The following CCDC88A variants were observed in gnomAD, a reference collection of about 807,000 sequenced individuals.
CCDC88A encodes the protein girdin.
In CCDC88A, 54 loss-of-function variants were observed where a neutral mutation model predicts 234.3. The observed-to-expected ratio is 0.23, with a 90% CI of 0.19 to 0.29. The LOEUF is 0.29. Ranked by LOEUF, CCDC88A falls within the 10% of genes least tolerant of loss-of-function variation. The pLI is 1.00. For synonymous variants in CCDC88A, 753 were observed against 737.8 expected (o/e 1.02, Z -0.33); for missense variants, 1,832 against 2,123.4 (o/e 0.86, Z 2.70).
chr2:55,406,130 T>C (rs1367454967), intron 2 of CCDC88A: 2 of 143,314 alleles, frequency 1.4e-5, no homozygotes, highest in African/African-American at 2.6e-5. Flanking sequence ...TGCACTCCAG[T>C]AGCCTGGGCA....
Position 55,328,543 on chromosome 2 carries a change from A to AT in CCDC88A, c.2856-109dup. The stretch of plus-strand genomic sequence containing the variant: ...TGCCATAAATGGGTCTTATAAAAGC[A>AT]TTTTTGTTAAAGAGGCAAATGAAAT... On this transcript the variant is annotated intron_variant, in intron 16 of 32. Transcript: ENST00000436346. This position sits in a 1 kb window ranked among gnomAD's most constrained non-coding sequence, Gnocchi z 4.3. The AT allele has an allele frequency of 2.8e-6, 2 of 715,758 alleles. No homozygotes were observed. Among genetic ancestry groups the AT allele is most frequent in the Non-Finnish European group, 4.2e-6 (2 of 473,044 alleles). 44.3% of individuals were successfully genotyped at this position (715,758 alleles called of 1,614,324 possible).
At chr2:55,372,205 C>G (rs1672946692) in intron 5 of CCDC88A, among the ~76,000 whole-genome samples, 1 of 151,902 alleles carries the variant, frequency 6.6e-6, no homozygotes, top group South Asian at 2.1e-4. Context: ...TTATAAGCCT[C>G]AGAATAAGGA....
intron 2 of CCDC88A, among the ~76,000 whole-genome samples, chr2:55,399,366 A>G (rs982467869): frequency 1.3e-5 from 2 of 151,984 alleles, no homozygotes; most frequent in African/African-American, 4.8e-5. Context: ...CTCTACTAAA[A>G]ATTAAAAAAA....
chr2:55,407,615 TAAATAAAATA>T lies in CCDC88A; in HGVS notation c.164+11191_164+11200del, dbSNP rs552378399. On this transcript the variant is annotated intron_variant, in intron 2 of 32. Transcript: ENST00000436346. ...GCAAGACTCTGTCTCAAACAATAAGTAAATAAAATAAAATAAAATAAAATGTTATAAACAA... is the reference window on the plus strand; with the variant it reads ...GCAAGACTCTGTCTCAAACAATAAGTAAATAAAATAAAATGTTATAAACAA... 2.5e-4 allele frequency among the ~76,000 whole-genome samples: 38 copies of T among 151,670 alleles called. No homozygotes were observed. The East Asian group carries it at 6.0e-3, about 24-fold the overall frequency.
chr2:55,343,551 G>C (rs1164461650), intron 12 of CCDC88A, 97 bp downstream of exon 12: 3 of 887,422 alleles, frequency 3.4e-6, no homozygotes, highest in Non-Finnish European at 5.1e-6. Flanking sequence ...GTAGTCTTCT[G>C]AGATATCTCC....
intron 2 of CCDC88A, among the ~76,000 whole-genome samples, chr2:55,409,933 G>T (rs1017582742): frequency 6.6e-6 from 1 of 151,730 alleles, no homozygotes; most frequent in Non-Finnish European, 1.5e-5. Flanking sequence ...TAGAGACGGG[G>T]TTTCACCATA....
At chr2:55,336,520 T>C (rs2589069) in intron 14 of CCDC88A, among the ~76,000 whole-genome samples, 161 bp downstream of exon 14, 12,015 of 152,194 alleles carry the variant, frequency 0.079, 720 homozygotes, top group East Asian at 0.31. Flanking sequence ...CTAAGACACA[T>C]AGGTTAGAAA....
At chr2:55,374,905 T>G in intron 3 of CCDC88A, 22 bp from the exon 4 acceptor site, 7 of 1,464,868 alleles carry the variant, frequency 4.8e-6, no homozygotes, top group Non-Finnish European at 6.7e-6. Flanking sequence ...TATCCAACAC[T>G]TGTTATATGG....
intron 5 of CCDC88A, among the ~76,000 whole-genome samples, chr2:55,365,100 A>T (rs551241369): frequency 5.3e-5 from 8 of 152,288 alleles, no homozygotes; most frequent in African/African-American, 1.9e-4. Context: ...ATCAATGCAG[A>T]AAGTTCTATA....
In CCDC88A at chr2:55,332,797, T is replaced by C. The variant is rs1407657807; in HGVS notation, c.2728-104A>G. 7.3e-6 allele frequency: 7 copies of C among 956,654 alleles called. No homozygotes were observed. Among genetic ancestry groups the C allele is most frequent in the Non-Finnish European group, 1.1e-5 (7 of 631,872 alleles). 59.3% of individuals were successfully genotyped at this position (956,654 alleles called of 1,614,324 possible). On this transcript the variant is annotated intron_variant, in intron 15 of 32. Transcript: ENST00000436346. This position sits in a 1 kb window ranked among gnomAD's most constrained non-coding sequence, Gnocchi z 4.5. ...ACCACCATCTAGGAATACATGTAAT[T>C]TGAACCAGGAAATGTCATTAAACCA...
At chr2:55,341,450 T>C (rs2920963) in intron 12 of CCDC88A, among the ~76,000 whole-genome samples, 11,796 of 140,628 alleles carry the variant, frequency 0.084, 686 homozygotes, top group East Asian at 0.31. Flanking sequence ...CCCCGCCCCC[T>C]TTTTTTTTTT....
Position 55,328,324 on chromosome 2 carries a change from A to G in CCDC88A, c.2967T>C (p.Tyr989=), listed in dbSNP as rs1684508034. 2 of 1,598,366 alleles carry G rather than the reference A, an allele frequency of 1.3e-6. No homozygotes were observed. The highest frequency in any genetic ancestry group is 1.2e-5 in the South Asian group (1 of 86,686). Residue 989 remains tyrosine, a synonymous_variant, in exon 17 of 33, where the codon TAT becomes TAC. Coordinates refer to ENST00000436346, the MANE Select transcript of CCDC88A (RefSeq NM_001365480.1). The surrounding 1 kb of genome is among the most constrained non-coding windows in gnomAD (Gnocchi z 4.3). ...TAAGTTCTTGGCGCAATTGCTGGTTATAATTCGTGGATTCTTCTAATCGAG... is the reference window on the plus strand; with the variant it reads ...TAAGTTCTTGGCGCAATTGCTGGTTGTAATTCGTGGATTCTTCTAATCGAG... ...LEARLEESTN[Y]NQQLRQELKT...
chr2:55,343,865 C>A, intron 11 of CCDC88A, 73 bp from the exon 12 acceptor site: 2 of 1,227,162 alleles, frequency 1.6e-6, no homozygotes. Context: ...TACTTTATTT[C>A]TCACAACTTT....
At chr2:55,320,248 T>C (rs190713809) in intron 18 of CCDC88A, among the ~76,000 whole-genome samples, 22 of 152,280 alleles carry the variant, frequency 1.4e-4, no homozygotes, top group Non-Finnish European at 2.9e-4. Flanking sequence ...AATACTATTG[T>C]AGTTTAGCAC....
rs191689375 is a variant in CCDC88A at position 55,409,322 on chromosome 2, C to T, written c.164+9494G>A. Reference sequence around the variant, plus strand: ...TCTCCCACTACTTATGACTCCTGTTCACTCTGATTTCTCCTACGGAGCTCT... The same window carrying T: ...TCTCCCACTACTTATGACTCCTGTTTACTCTGATTTCTCCTACGGAGCTCT... On this transcript the variant is annotated intron_variant, in intron 2 of 32. Coordinates refer to ENST00000436346, the MANE Select transcript of CCDC88A (RefSeq NM_001365480.1). Among the ~76,000 whole-genome samples, 4 of 152,294 alleles carry T rather than the reference C, an allele frequency of 2.6e-5. No homozygotes were observed. In the East Asian group the frequency reaches 5.8e-4, roughly 22 times the overall value.
At position 55,295,766 on chromosome 2, in the gene CCDC88A, T is replaced by A. The variant is rs1277122060; in HGVS notation, c.5382A>T (p.Lys1794Asn). 1.2e-6 allele frequency: 2 copies of A among 1,614,110 alleles called. No homozygotes were observed. Among genetic ancestry groups the A allele is most frequent in the African/African-American group, 2.7e-5 (2 of 74,942 alleles). Residue 1794 changes from lysine to asparagine, a missense_variant, in exon 31 of 33, where the codon AAA (lysine) becomes AAT (asparagine). Lys to Asn is a moderately conservative substitution (Grantham distance 94). Transcript: ENST00000436346. Reference protein sequence around the residue: ...VKESSLSRQSKDSNPYATLPR... With the variant: ...VKESSLSRQSNDSNPYATLPR... Reference sequence around the variant, plus strand: ...GTAAAGTTGCATAAGGGTTACTATCTTTTGATTGTCGTGACAGAGAAGATT... The same window carrying A: ...GTAAAGTTGCATAAGGGTTACTATCATTTGATTGTCGTGACAGAGAAGATT...
At chr2:55,333,085 G>C (rs1685108665) in intron 15 of CCDC88A, among the ~76,000 whole-genome samples, 1 of 152,086 alleles carries the variant, frequency 6.6e-6, no homozygotes, top group South Asian at 2.1e-4. Flanking sequence ...CAGTGAAAGA[G>C]GCCCTATGAT....
rs1050188360 is a variant in CCDC88A at position 55,316,066 on chromosome 2, T to C, written c.3795A>G (p.Gln1265=). ...GACTTTTCAAATTTTTATGGTCAGT[T>C]TGTAAAACTTCAGTCTCTTTTAAAA... ...SQLLKETEVL[Q]TDHKNLKSLL... The change falls in exon 22 of 33, where the codon CAA becomes CAG. Residue 1265 remains glutamine (Q), a synonymous_variant. Coordinates refer to ENST00000436346, the MANE Select transcript of CCDC88A (RefSeq NM_001365480.1). 6.4e-7 allele frequency: 1 copy of C among 1,571,480 alleles called. No individual in the cohort carries two copies.
chr2:55,363,009 A>G (rs1671514143), intron 6 of CCDC88A, among the ~76,000 whole-genome samples: 1 of 152,016 alleles, frequency 6.6e-6, no homozygotes, highest in African/African-American at 2.4e-5. Flanking sequence ...TTTAACTTTC[A>G]TAACAAACAG....
Sources: allele counts gnomAD v4.1 joint callset (sites outside exome capture counted in the v4.1 genomes callset), GRCh38; gene constraint gnomAD v4.1.1; non-coding constraint Gnocchi (gnomAD v3.1); transcripts MANE v1.5; gene names NCBI Gene and HGNC (gene_info 2026-07-23, HGNC 2026-07-21).